The following SCN9A variants were observed in gnomAD, a reference collection of about 807,000 sequenced individuals.
SCN9A encodes sodium channel protein type 9 subunit alpha.
SCN9A carries 131 observed loss-of-function variants against 187.0 expected under a neutral mutation model. The ratio of observed to expected loss-of-function variants is 0.70; its 90% confidence interval spans 0.61 to 0.81. SCN9A has a LOEUF of 0.81. SCN9A is among the 30% of genes least tolerant of loss of function. The pLI is 0.00. For synonymous variants in SCN9A, 809 were observed against 808.6 expected, an observed-to-expected ratio of 1.00 and a Z score of -0.01; for missense variants, 2,252 against 2,396.6, an observed-to-expected ratio of 0.94 and a Z score of 1.26.
At chr2:166,293,137 C>T in intron 9 of SCN9A, 94 bp downstream of exon 9, 1 of 1,144,490 alleles carries the variant, frequency 8.7e-7, no homozygotes, top group Non-Finnish European at 1.2e-6. Flanking sequence ...CCTCCATTCT[C>T]AAATAAATAA....
intron 1 of SCN9A, among the ~76,000 whole-genome samples, chr2:166,354,970 G>C (rs1210337547): frequency 6.6e-6 from 1 of 151,820 alleles, no homozygotes; most frequent in Non-Finnish European, 1.5e-5. Context: ...AAGAGACAAT[G>C]TCTCCTACTG....
At chr2:166,319,103 AATAAG>A (rs1699177101) in intron 1 of SCN9A, among the ~76,000 whole-genome samples, 2 of 152,074 alleles carry the variant, frequency 1.3e-5, no homozygotes, top group Admixed American at 1.3e-4. Flanking sequence ...ATCTTCCAAA[AATAAG>A]ATAACTAACT....
chr2:166,257,301 G>T (rs548515204), intron 17 of SCN9A, among the ~76,000 whole-genome samples: 1 of 151,352 alleles, frequency 6.6e-6, no homozygotes, highest in Admixed American at 6.6e-5. Flanking sequence ...GTGTAGATAC[G>T]CAGACTCAAG....
In SCN9A at chr2:166,321,812, T is replaced by TG. The variant is rs1312712521; in HGVS notation, c.-50-10007dup. On this transcript the variant is annotated intron_variant, in intron 1 of 26. Coordinates refer to ENST00000642356, the MANE Select transcript of SCN9A (RefSeq NM_001365536.1). ...CAAAATCTTTTTTTTTTTTTTTTTTTGGTAACTCTTATTCTCTCCAAGTTC... is the reference window on the plus strand; with the variant it reads ...CAAAATCTTTTTTTTTTTTTTTTTTTGGGTAACTCTTATTCTCTCCAAGTTC... Among the ~76,000 whole-genome samples, 88 of 112,408 alleles carry TG rather than the reference T, an allele frequency of 7.8e-4. 1 individual carries two copies. The highest frequency in any genetic ancestry group is 3.1e-3 in the African/African-American group (84 of 27,316). 73.7% of individuals were successfully genotyped at this position (112,408 alleles called of 152,430 possible).
intron 1 of SCN9A, among the ~76,000 whole-genome samples, chr2:166,330,641 A>G (rs571638665): frequency 6.6e-6 from 1 of 152,280 alleles, no homozygotes; most frequent in South Asian, 2.1e-4. Flanking sequence ...TTTTCAGGGC[A>G]GCAGGGAAGG....
At chr2:166,321,059 G>T (rs1699225515) in intron 1 of SCN9A, among the ~76,000 whole-genome samples, 1 of 152,110 alleles carries the variant, frequency 6.6e-6, no homozygotes. Flanking sequence ...AAAAATATCA[G>T]ATGAGTACAC....
rs190622251 is a variant in SCN9A, at chr2:166,216,231, A to G, written c.4398+10336T>C. ...AACAAAGCAGATATGGAAGGAATGT[A>G]CCTTAACAAAATAAAGCCATATATG... On this transcript the variant is annotated intron_variant, in intron 24 of 26. Coordinates refer to ENST00000642356, the MANE Select transcript of SCN9A (RefSeq NM_001365536.1). 3.4e-3 allele frequency among the ~76,000 whole-genome samples: 517 copies of G among 152,210 alleles called. 5 individuals carry two copies. The highest frequency in any genetic ancestry group is 0.031 in the Middle Eastern group (9 of 294).
chr2:166,224,519 T>TAA (rs1694764785), intron 24 of SCN9A, among the ~76,000 whole-genome samples: 1 of 152,204 alleles, frequency 6.6e-6, no homozygotes, highest in African/African-American at 2.4e-5. Flanking sequence ...CAAAGATCTC[T>TAA]TTTTGTATAG....
At chr2:166,231,548 CTTTTTTTT>C (rs57067738) in intron 21 of SCN9A, among the ~76,000 whole-genome samples, 2 of 99,066 alleles carry the variant, frequency 2.0e-5, no homozygotes, top group Non-Finnish European at 3.6e-5. Context: ...CAAGAATTTG[CTTTTTTTT>C]TTTTTTTTTT....
chr2:166,305,849 TCTC>T lies in SCN9A; in HGVS notation c.536_538del (p.Gly179del). On this transcript the variant is annotated inframe_deletion, in exon 5 of 27. Coordinates refer to ENST00000642356, the MANE Select transcript of SCN9A (RefSeq NM_001365536.1). The stretch of plus-strand genomic sequence containing the variant: ...CCACGGGTCACGAAGAAAAGTGAAT[TCTC>T]CTACACAGAAGCCTCTTGCAAGGAT... 1 of 1,613,282 alleles carries T rather than the reference TCTC, an allele frequency of 6.2e-7. No homozygotes were observed. The highest frequency in any genetic ancestry group is 1.7e-5 in the Admixed American group (1 of 59,928).
rs1041153329 is a variant in SCN9A, at chr2:166,196,543, T to G, written c.*2129A>C. The G allele has an allele frequency of 6.6e-5, 10 of 152,196 alleles. No individual in the cohort carries two copies. The highest frequency in any genetic ancestry group is 5.9e-4 in the Admixed American group (9 of 15,286). The allele number at this position is 152,196 out of a possible 1,614,324, so 9.4% of individuals were successfully genotyped here. ...GAACCTGTCAAACATCTTGTCTTAC[T>G]ACATTATGTAAGTATTCATAATGCA... On this transcript the variant is annotated 3_prime_UTR_variant, in exon 27 of 27. Transcript: ENST00000642356.
rs370063646 is a variant in SCN9A at position 166,293,233 on chromosome 2, G to C, written c.1105C>G (p.Gln369Glu). 3.2e-6 allele frequency: 5 copies of C among 1,579,480 alleles called. No homozygotes were observed. The highest frequency in any genetic ancestry group is 4.3e-6 in the Non-Finnish European group (5 of 1,160,612). The change falls in exon 9 of 27, where the codon CAG becomes GAG. Residue 369 changes from glutamine to glutamate, a missense_variant and splice_region_variant. Physicochemically the swap from Gln to Glu is conservative, Grantham distance 29. Around this residue, in one of 7 missense-constraint regions of SCN9A, gnomAD observed 1,013 missense variants for 997.4 expected, o/e 1.02. Transcript: ENST00000642356. The stretch of plus-strand genomic sequence containing the variant: ...TGCATGTTTCTCTTGGTACTCACCT[G>C]TTGGTAAAGGTTTTCCCAGTAATCT... ...TQDYWENLYQ[Q>E]TLRAAGKTYM...
intron 1 of SCN9A, among the ~76,000 whole-genome samples, chr2:166,369,265 A>G (rs1700494372): frequency 6.6e-6 from 1 of 152,202 alleles, no homozygotes; most frequent in Non-Finnish European, 1.5e-5. Flanking sequence ...CATACTGAGT[A>G]AAGGAAATAT....
At chr2:166,364,161 T>TAA (rs58184464) in intron 1 of SCN9A, among the ~76,000 whole-genome samples, 33,485 of 145,438 alleles carry the variant, frequency 0.23, 4,171 homozygotes, top group African/African-American at 0.34. Context: ...GGTTATTGTT[T>TAA]AAAAAAAAAA....
chr2:166,293,106 G>A (rs142692037), intron 9 of SCN9A, 125 bp downstream of exon 9: 48 of 739,338 alleles, frequency 6.5e-5, no homozygotes, highest in Non-Finnish European at 1.0e-4. Flanking sequence ...TTATAATTTT[G>A]GTAATAAGAT....
intron 18 of SCN9A, among the ~76,000 whole-genome samples, chr2:166,244,907 G>A (rs1054270097): frequency 1.3e-5 from 2 of 152,168 alleles, no homozygotes; most frequent in Admixed American, 6.6e-5. Flanking sequence ...AGAAGGTGAT[G>A]GAGGAAATGC....
intron 1 of SCN9A, among the ~76,000 whole-genome samples, chr2:166,312,063 T>C (rs1698978790): frequency 6.6e-6 from 1 of 152,196 alleles, no homozygotes; most frequent in Admixed American, 6.5e-5. Context: ...GACAATTTTC[T>C]GAGTAAATTT....
chr2:166,344,146 A>G (rs1262907433), intron 1 of SCN9A, among the ~76,000 whole-genome samples: 1 of 152,218 alleles, frequency 6.6e-6, no homozygotes, highest in Non-Finnish European at 1.5e-5. Context: ...AAACTAGCAC[A>G]GACAAAAAGA....
chr2:166,331,750 A>G (rs182626458), intron 1 of SCN9A, among the ~76,000 whole-genome samples: 130 of 152,316 alleles, frequency 8.5e-4, no homozygotes, highest in African/African-American at 2.9e-3. Context: ...ACTTTGTTAT[A>G]GTTCATTGCT....
Sources: allele counts gnomAD v4.1 joint callset (sites outside exome capture counted in the v4.1 genomes callset), GRCh38; gene constraint gnomAD v4.1.1; regional missense constraint gnomAD v4.1.1; transcripts MANE v1.5; gene names NCBI Gene and HGNC (gene_info 2026-07-23, HGNC 2026-07-21).